Variants in CNTNAP2 observed in about 807,000 individuals in gnomAD.
CNTNAP2 encodes contactin associated protein 2, also known as contactin-associated protein-like 2.
CNTNAP2 carries 98 observed loss-of-function variants against 155.2 expected under a neutral mutation model. The observed-to-expected ratio is 0.63, with a 90% CI of 0.54 to 0.75. CNTNAP2 has a LOEUF of 0.75. CNTNAP2 is among the 30% of genes least tolerant of loss of function. CNTNAP2 has a pLI of 0.00. For synonymous variants in CNTNAP2, 651 were observed against 631.2 expected, an observed-to-expected ratio of 1.03 and a Z score of -0.47; for missense variants, 1,727 against 1,688.1, an observed-to-expected ratio of 1.02 and a Z score of -0.40.
intron 21 of CNTNAP2, among the ~76,000 whole-genome samples, chr7:148,275,062 G>A (rs1796849248): frequency 6.6e-6 from 1 of 152,118 alleles, no homozygotes. Context: ...ATAAGTCCCT[G>A]GAACATCATT....
chr7:146,821,756 T>C (rs1426314662), intron 2 of CNTNAP2, among the ~76,000 whole-genome samples: 2 of 151,736 alleles, frequency 1.3e-5, no homozygotes, highest in Non-Finnish European at 2.9e-5. Flanking sequence ...GAAATGCAAA[T>C]CAAAACCACA....
intron 3 of CNTNAP2, among the ~76,000 whole-genome samples, chr7:146,876,219 C>G (rs537539318): frequency 1.1e-4 from 17 of 152,040 alleles, no homozygotes; most frequent in Non-Finnish European, 2.5e-4. Context: ...ATTCTTGCAT[C>G]ACCTGAATCT....
In CNTNAP2 at chr7:148,109,592, C is replaced by T. The variant is rs113292476; in HGVS notation, c.2384-8526C>T. Among the ~76,000 whole-genome samples, 602 of 152,188 alleles carry T rather than the reference C, an allele frequency of 4.0e-3. 4 individuals are homozygous for T. Among genetic ancestry groups the T allele is most frequent in the African/African-American group, 0.014 (587 of 41,526 alleles). Reference sequence around the variant, plus strand: ...AGAGACAGGGTTTCTCCATGTTGGTCAGGCTGGTTTCAAACTCCCGACCTC... The same window carrying T: ...AGAGACAGGGTTTCTCCATGTTGGTTAGGCTGGTTTCAAACTCCCGACCTC... On this transcript the variant is annotated intron_variant, in intron 15 of 23. Coordinates refer to ENST00000361727, the MANE Select transcript of CNTNAP2 (RefSeq NM_014141.6).
At chr7:148,052,595 G>A (rs1246048836) in intron 15 of CNTNAP2, among the ~76,000 whole-genome samples, 3 of 152,096 alleles carry the variant, frequency 2.0e-5, no homozygotes, top group African/African-American at 7.2e-5. Flanking sequence ...ATATTTCAAA[G>A]AAATAATTGT....
chr7:146,134,283 T>A (rs1390927899), intron 1 of CNTNAP2, among the ~76,000 whole-genome samples: 40 of 148,778 alleles, frequency 2.7e-4, no homozygotes, highest in Admixed American at 4.7e-4. Flanking sequence ...TTTGCTGAAG[T>A]TGCTTATCAG....
chr7:146,864,355 A>T (rs1298148056), intron 3 of CNTNAP2, among the ~76,000 whole-genome samples: 1 of 152,200 alleles, frequency 6.6e-6, no homozygotes, highest in Non-Finnish European at 1.5e-5. Flanking sequence ...GATATAAAAA[A>T]ATCATTTGAC....
chr7:146,743,667 A>T (rs952067377), intron 1 of CNTNAP2, among the ~76,000 whole-genome samples: 1 of 152,292 alleles, frequency 6.6e-6, no homozygotes, highest in East Asian at 1.9e-4. Context: ...ATAATATTGT[A>T]ATATGACAAT....
At chr7:146,161,817 T>C in intron 1 of CNTNAP2, among the ~76,000 whole-genome samples, 1 of 152,128 alleles carries the variant, frequency 6.6e-6, no homozygotes, top group Non-Finnish European at 1.5e-5. Flanking sequence ...AACAGAGATA[T>C]AGACCAATGG....
intron 3 of CNTNAP2, among the ~76,000 whole-genome samples, chr7:146,844,663 A>G (rs1803808414): frequency 1.3e-5 from 2 of 152,152 alleles, no homozygotes; most frequent in African/African-American, 4.8e-5. Context: ...TTCGGAGCCA[A>G]AATAGGAAAC....
chr7:147,692,725 T>C (rs1052165430), intron 13 of CNTNAP2, among the ~76,000 whole-genome samples: 1 of 152,094 alleles, frequency 6.6e-6, no homozygotes, highest in Non-Finnish European at 1.5e-5. Flanking sequence ...AGAGGGCTTT[T>C]TTCGGTATAG....
At chr7:148,170,956 T>G (rs529645760) in intron 17 of CNTNAP2, among the ~76,000 whole-genome samples, 1 of 152,264 alleles carries the variant, frequency 6.6e-6, no homozygotes, top group African/African-American at 2.4e-5. Flanking sequence ...TGTACATCTA[T>G]GAGACCCCTG....
At chr7:146,148,882 T>C (rs1246990146) in intron 1 of CNTNAP2, among the ~76,000 whole-genome samples, 2 of 152,100 alleles carry the variant, frequency 1.3e-5, no homozygotes, top group African/African-American at 4.8e-5. Context: ...TTTCTACAAA[T>C]AATCTTCACC....
intron 13 of CNTNAP2, among the ~76,000 whole-genome samples, chr7:147,713,433 C>T (rs1453224948): frequency 6.6e-6 from 1 of 152,112 alleles, no homozygotes; most frequent in African/African-American, 2.4e-5. Context: ...GATCCTTTTA[C>T]TTAGCATAAT....
intron 1 of CNTNAP2, among the ~76,000 whole-genome samples, chr7:146,482,702 C>G (rs1315873295): frequency 1.3e-5 from 2 of 151,218 alleles, no homozygotes; most frequent in East Asian, 3.9e-4. Flanking sequence ...GAGATCACGC[C>G]ACTGCACTCC....
intron 3 of CNTNAP2, among the ~76,000 whole-genome samples, chr7:146,881,740 G>A (rs1250306817): frequency 7.0e-6 from 1 of 142,086 alleles, no homozygotes; most frequent in East Asian, 2.1e-4. Flanking sequence ...TGTGCTTGGT[G>A]AACTGATCCC....
intron 15 of CNTNAP2, among the ~76,000 whole-genome samples, chr7:148,057,062 G>A (rs1165698512): frequency 6.6e-6 from 1 of 152,112 alleles, no homozygotes; most frequent in Non-Finnish European, 1.5e-5. Flanking sequence ...TCTCATCTGT[G>A]CCCACCCTCT....
rs35835723 is a variant in CNTNAP2 at position 148,419,600 on chromosome 7, A to ATT, written c.*3998_*3999dup. 0.043 allele frequency: 6,075 copies of ATT among 142,334 alleles called. 148 individuals are homozygous for ATT. Among genetic ancestry groups the ATT allele is most frequent in the South Asian group, 0.064 (278 of 4,368 alleles). 8.8% of individuals were successfully genotyped at this position (142,334 alleles called of 1,614,324 possible). A position where few individuals can be genotyped will look rare whatever the true frequency, so the allele number is the denominator to read the frequency against. Reference sequence around the variant, plus strand: ...AGGCACCCGCCATCACACCCAGCTAATTTTTTTTTTTTTTTGTATTATTAG... The same window carrying ATT: ...AGGCACCCGCCATCACACCCAGCTAATTTTTTTTTTTTTTTTTGTATTATTAG... On this transcript the variant is annotated 3_prime_UTR_variant, in exon 24 of 24. Transcript: ENST00000361727.
intron 8 of CNTNAP2, among the ~76,000 whole-genome samples, chr7:147,287,558 C>A (rs775344904): frequency 6.6e-6 from 1 of 152,074 alleles, no homozygotes; most frequent in Non-Finnish European, 1.5e-5. Flanking sequence ...TCAGCCTAAA[C>A]TCTCTTTTCT....
chr7:147,687,642 T>A (rs1460139973), intron 13 of CNTNAP2, among the ~76,000 whole-genome samples: 1 of 151,946 alleles, frequency 6.6e-6, no homozygotes, highest in Admixed American at 6.6e-5. Context: ...GTAGGAGGAG[T>A]AATTTAACCA....
Sources: gnomAD v4.1 joint callset for allele counts (sites outside exome capture counted in the v4.1 genomes callset) on GRCh38, gnomAD v4.1.1 for gene constraint, MANE v1.5 for transcripts, NCBI Gene and HGNC (gene_info 2026-07-23, HGNC 2026-07-21) for gene names.